Variants in NRG1 observed in about 807,000 individuals in gnomAD.
The protein encoded by NRG1 is pro-neuregulin-1, membrane-bound isoform.
In NRG1, 18 loss-of-function variants were observed where a neutral mutation model predicts 63.8. That is an observed-to-expected ratio of 0.28 (90% confidence interval 0.19 to 0.42). NRG1 has a LOEUF of 0.42. Ranked by LOEUF, NRG1 falls within the 10% of genes least tolerant of loss-of-function variation. NRG1 has a pLI of 1.00. For missense variants in NRG1, 762 were observed against 814.7 expected (o/e 0.94, Z 0.79); for synonymous variants, 302 against 301.3 (o/e 1.00, Z -0.02).
At chr8:31,843,299 T>C (rs896576375) in intron 1 of NRG1, among the ~76,000 whole-genome samples, 3 of 152,210 alleles carry the variant, frequency 2.0e-5, no homozygotes, top group Non-Finnish European at 2.9e-5. Flanking sequence ...TGTTTCCATA[T>C]TCTTTGTGAA....
chr8:32,505,712 A>G (rs150952079), intron 1 of NRG1, among the ~76,000 whole-genome samples: 1 of 152,354 alleles, frequency 6.6e-6, no homozygotes, highest in East Asian at 1.9e-4. Context: ...GGCACCTGCA[A>G]TCACAGACTT....
At chr8:32,484,667 A>T (rs923240307) in intron 1 of NRG1, among the ~76,000 whole-genome samples, 3 of 152,084 alleles carry the variant, frequency 2.0e-5, no homozygotes, top group Non-Finnish European at 4.4e-5. Context: ...CTGCTAGGCC[A>T]ATAAATACGT....
chr8:31,922,487 A>T (rs1833998452), intron 1 of NRG1, among the ~76,000 whole-genome samples: 1 of 152,218 alleles, frequency 6.6e-6, no homozygotes, highest in Non-Finnish European at 1.5e-5. Context: ...CGCCATTAGC[A>T]GGAGACATTA....
intron 1 of NRG1, among the ~76,000 whole-genome samples, chr8:32,011,370 G>A (rs368876247): frequency 6.6e-6 from 1 of 151,962 alleles, no homozygotes; most frequent in Non-Finnish European, 1.5e-5. Context: ...TGTTCAATTC[G>A]CAAAGCAACA....
At chr8:32,379,494 A>T (rs911307183) in intron 1 of NRG1, among the ~76,000 whole-genome samples, 17 of 152,200 alleles carry the variant, frequency 1.1e-4, no homozygotes, top group South Asian at 4.1e-4. Flanking sequence ...ATCAAAATAT[A>T]TAACAGGGTT....
At chr8:32,429,349 A>C (rs903462061) in intron 1 of NRG1, among the ~76,000 whole-genome samples, 5 of 152,180 alleles carry the variant, frequency 3.3e-5, no homozygotes, top group Non-Finnish European at 7.3e-5. Flanking sequence ...TCCTAGGACC[A>C]AGTCTTGGCC....
chr8:32,288,884 C>T (rs1227524097), intron 1 of NRG1, among the ~76,000 whole-genome samples: 1 of 151,986 alleles, frequency 6.6e-6, no homozygotes, highest in Non-Finnish European at 1.5e-5. Context: ...TCATAATGAG[C>T]TCAGAAAGAG....
chr8:31,853,624 C>A (rs1358085139), intron 1 of NRG1, among the ~76,000 whole-genome samples: 1 of 151,074 alleles, frequency 6.6e-6, no homozygotes, highest in African/African-American at 2.4e-5. Context: ...GCCTAATTGC[C>A]CTGGCCAGAA....
chr8:32,087,653 T>C (rs917155429), intron 1 of NRG1, among the ~76,000 whole-genome samples: 5 of 151,938 alleles, frequency 3.3e-5, no homozygotes, highest in African/African-American at 1.2e-4. Flanking sequence ...GTATTTTTGG[T>C]AGAGACAGGG....
chr8:31,984,259 T>C, intron 1 of NRG1, among the ~76,000 whole-genome samples: 1 of 152,086 alleles, frequency 6.6e-6, no homozygotes, highest in East Asian at 1.9e-4. Flanking sequence ...ATGATAAAAT[T>C]ATTGCATGAT....
chr8:32,159,300 C>T (rs1838537316), intron 1 of NRG1, among the ~76,000 whole-genome samples: 2 of 150,702 alleles, frequency 1.3e-5, no homozygotes, highest in South Asian at 4.2e-4. Flanking sequence ...TTTGGGAGGC[C>T]GAGGCGGGTG....
intron 1 of NRG1, among the ~76,000 whole-genome samples, chr8:31,732,512 G>T (rs1325049740): frequency 6.6e-6 from 1 of 152,048 alleles, no homozygotes; most frequent in Non-Finnish European, 1.5e-5. Context: ...TTATAAGTAT[G>T]AATTTTAGGC....
chr8:32,292,068 A>G (rs1854269061), intron 1 of NRG1, among the ~76,000 whole-genome samples: 1 of 152,132 alleles, frequency 6.6e-6, no homozygotes, highest in East Asian at 1.9e-4. Flanking sequence ...GCAACATTAC[A>G]TGTGCATTTA....
intron 1 of NRG1, among the ~76,000 whole-genome samples, chr8:31,905,569 T>C (rs1475280665): frequency 6.6e-6 from 1 of 152,204 alleles, no homozygotes; most frequent in Non-Finnish European, 1.5e-5. Context: ...TCATTCCCTG[T>C]TTCTGTTTGT....
intron 1 of NRG1, among the ~76,000 whole-genome samples, chr8:31,988,541 T>C (rs1810481543): frequency 6.6e-6 from 1 of 152,074 alleles, no homozygotes; most frequent in Admixed American, 6.6e-5. Flanking sequence ...TGAATTCTTC[T>C]TTACTCTGGT....
intron 5 of NRG1, among the ~76,000 whole-genome samples, chr8:32,638,057 C>T (rs950579446): frequency 2.6e-5 from 4 of 152,062 alleles, no homozygotes; most frequent in African/African-American, 4.8e-5. Context: ...TGGCAGTATG[C>T]AACTAAAAGC....
chr8:32,548,912 TC>T, intron 1 of NRG1, 86 bp downstream of exon 1: 2 of 1,422,392 alleles, frequency 1.4e-6, no homozygotes, highest in Non-Finnish European at 1.9e-6. Flanking sequence ...GGCCTCTCCC[TC>T]CCCCTCTCCC....
At chr8:32,769,412 G>A (rs1831642082), downstream of NRG1, among the ~76,000 whole-genome samples, 1 of 152,112 alleles carries the variant, frequency 6.6e-6, no homozygotes, top group African/African-American at 2.4e-5. Context: ...AACCCAGGCT[G>A]CCTCTGGAAA....
intron 1 of NRG1, among the ~76,000 whole-genome samples, chr8:32,074,622 T>C (rs1424121501): frequency 6.6e-6 from 1 of 152,160 alleles, no homozygotes; most frequent in East Asian, 1.9e-4. Flanking sequence ...TAAGAGTATC[T>C]AGTTGATTTA....
Sources: allele counts gnomAD v4.1 joint callset (sites outside exome capture counted in the v4.1 genomes callset), GRCh38; gene constraint gnomAD v4.1.1; transcripts MANE v1.5; gene names NCBI Gene and HGNC (gene_info 2026-07-23, HGNC 2026-07-21).